Variants in CPQ observed in about 807,000 individuals in gnomAD.
CPQ encodes Ser-Met dipeptidase.
Under a neutral mutation model 45.7 loss-of-function variants are expected in CPQ, and 37 were observed. That is an observed-to-expected ratio of 0.81 (90% CI 0.62 to 1.07). The LOEUF (loss-of-function observed/expected upper bound fraction) is 1.07, where lower values mean the gene tolerates loss of function less well. Among genes scored for constraint, CPQ ranks in the 50% least tolerant of loss-of-function variants. CPQ has a pLI of 0.00. For missense variants in CPQ, 537 were observed against 572.9 expected (o/e 0.94, Z 0.64); for synonymous variants, 186 against 205.8 (o/e 0.90, Z 0.82).
chr8:96,892,935 AGAT>A (rs1403823632), intron 4 of CPQ, among the ~76,000 whole-genome samples: 4 of 152,240 alleles, frequency 2.6e-5, no homozygotes, highest in African/African-American at 9.6e-5. Flanking sequence ...CATAATCAGA[AGAT>A]GAGGAATAAT....
chr8:96,765,545 ATTTAT>A lies in CPQ; in HGVS notation c.-34-19315_-34-19311del, dbSNP rs369097817. ...AGTCAGACATAAACATTTCAGCCTT[ATTTAT>A]TTTCAACCAGGGAATAGCTAATACC... On this transcript the variant is annotated intron_variant, in intron 1 of 7. Transcript: ENST00000220763. 4.1e-4 allele frequency among the ~76,000 whole-genome samples: 62 copies of A among 152,196 alleles called. No homozygotes were observed. The East Asian group carries it at 9.7e-3, about 24-fold the overall frequency.
At chr8:97,039,671 C>G (rs894935270) in intron 6 of CPQ, among the ~76,000 whole-genome samples, 2 of 149,690 alleles carry the variant, frequency 1.3e-5, no homozygotes, top group African/African-American at 4.9e-5. Flanking sequence ...GTGTGATGTT[C>G]CCCTTCCTGT....
chr8:96,914,595 C>T (rs1257810721), intron 4 of CPQ, among the ~76,000 whole-genome samples: 1 of 152,058 alleles, frequency 6.6e-6, no homozygotes, highest in African/African-American at 2.4e-5. Flanking sequence ...TTCCATTAAA[C>T]GTCTCAGTTT....
chr8:97,025,554 A>G (rs1370479402), intron 5 of CPQ, among the ~76,000 whole-genome samples: 1 of 152,132 alleles, frequency 6.6e-6, no homozygotes. Context: ...TGCGTCTTCA[A>G]ATTCTAGGAC....
chr8:96,786,975 G>A (rs1276584311), intron 2 of CPQ, among the ~76,000 whole-genome samples: 1 of 151,754 alleles, frequency 6.6e-6, no homozygotes, highest in African/African-American at 2.4e-5. Flanking sequence ...TCTGAGGACT[G>A]TCTTTTCTTT....
chr8:96,648,007 T>C (rs757842208), intron 1 of CPQ, among the ~76,000 whole-genome samples: 1 of 152,142 alleles, frequency 6.6e-6, no homozygotes, highest in African/African-American at 2.4e-5. Flanking sequence ...ACCCCTAGTA[T>C]AGACAAAGAA....
chr8:97,011,974 T>A (rs188137791), intron 5 of CPQ, among the ~76,000 whole-genome samples: 184 of 152,308 alleles, frequency 1.2e-3, no homozygotes, highest in African/African-American at 4.2e-3. Context: ...ATAATAATTT[T>A]AAAAAAATCA....
intron 5 of CPQ, among the ~76,000 whole-genome samples, chr8:97,026,560 G>C (rs1422178107): frequency 6.6e-6 from 1 of 152,206 alleles, no homozygotes; most frequent in African/African-American, 2.4e-5. Context: ...CAGATTGTCA[G>C]AGTAGAAAGA....
intron 3 of CPQ, among the ~76,000 whole-genome samples, chr8:96,842,568 T>C (rs963041018): frequency 6.6e-6 from 1 of 152,220 alleles, no homozygotes; most frequent in African/African-American, 2.4e-5. Context: ...CAACAAACAC[T>C]GCGTTTTTTC....
intron 7 of CPQ, among the ~76,000 whole-genome samples, chr8:97,119,194 T>TA (rs1382693387): frequency 1.3e-5 from 2 of 151,800 alleles, no homozygotes; most frequent in East Asian, 1.9e-4. Context: ...CTGGGCGTGG[T>TA]AATGGGTGCC....
At chr8:96,962,197 G>A (rs1421648192) in intron 4 of CPQ, among the ~76,000 whole-genome samples, 3 of 152,106 alleles carry the variant, frequency 2.0e-5, no homozygotes, top group Non-Finnish European at 2.9e-5. Context: ...AGTCTGCCTC[G>A]CAAATAACAA....
At chr8:96,973,521 C>T (rs571982323) in intron 5 of CPQ, among the ~76,000 whole-genome samples, 1 of 152,156 alleles carries the variant, frequency 6.6e-6, no homozygotes, top group African/African-American at 2.4e-5. Flanking sequence ...TCAAAGAACT[C>T]CTGGGAAATT....
intron 4 of CPQ, among the ~76,000 whole-genome samples, chr8:96,916,884 G>A (rs193226740): frequency 6.6e-6 from 1 of 152,106 alleles, no homozygotes; most frequent in Admixed American, 6.6e-5. Context: ...TTAGACTGGG[G>A]TAATGTGTTT....
chr8:97,004,774 A>G (rs1408759024), intron 5 of CPQ, among the ~76,000 whole-genome samples: 1 of 152,190 alleles, frequency 6.6e-6, no homozygotes, highest in Non-Finnish European at 1.5e-5. Context: ...TTAATGTAAA[A>G]TGAAGAATAT....
intron 7 of CPQ, among the ~76,000 whole-genome samples, chr8:97,079,259 A>G (rs1175447914): frequency 6.6e-6 from 1 of 152,192 alleles, no homozygotes; most frequent in Non-Finnish European, 1.5e-5. Context: ...TTAGATCCTC[A>G]GGATACTATT....
chr8:96,657,309 C>T (rs1815649649), intron 1 of CPQ, among the ~76,000 whole-genome samples: 1 of 152,164 alleles, frequency 6.6e-6, no homozygotes, highest in Non-Finnish European at 1.5e-5. Context: ...TGTGCCACTG[C>T]ACTTCAGCTG....
intron 4 of CPQ, among the ~76,000 whole-genome samples, chr8:96,951,607 T>C (rs1813267011): frequency 1.3e-5 from 2 of 152,124 alleles, no homozygotes; most frequent in African/African-American, 4.8e-5. Flanking sequence ...AATAAAAACG[T>C]AACTTACCTA....
At chr8:97,061,111 T>C (rs763310758) in intron 6 of CPQ, among the ~76,000 whole-genome samples, 6 of 152,174 alleles carry the variant, frequency 3.9e-5, no homozygotes, top group Non-Finnish European at 8.8e-5. Context: ...TAAAAAGTTC[T>C]ACACGAATAG....
chr8:96,668,861 A>T (rs570865662), intron 1 of CPQ, among the ~76,000 whole-genome samples: 1 of 151,542 alleles, frequency 6.6e-6, no homozygotes, highest in South Asian at 2.1e-4. Flanking sequence ...GGAGATGCCA[A>T]TGGTGCAGAC....
Sources: gnomAD v4.1 joint callset for allele counts (sites outside exome capture counted in the v4.1 genomes callset) on GRCh38, gnomAD v4.1.1 for gene constraint, MANE v1.5 for transcripts, NCBI Gene and HGNC (gene_info 2026-07-23, HGNC 2026-07-21) for gene names.